Variants in GLS observed in about 807,000 individuals in gnomAD.
The protein encoded by GLS is glutaminase kidney isoform, mitochondrial.
A neutral mutation model predicts 86.7 loss-of-function variants in GLS; 36 were observed. That is an observed-to-expected ratio of 0.42 (90% CI 0.32 to 0.55). GLS has a LOEUF of 0.55. Among genes scored for constraint, GLS ranks in the 20% least tolerant of loss-of-function variants. The pLI, the probability that GLS is intolerant of heterozygous loss-of-function variation, is 0.17. For synonymous variants in GLS, 317 were observed against 305.9 expected, an observed-to-expected ratio of 1.04 and a Z score of -0.38; for missense variants, 528 against 833.4, an observed-to-expected ratio of 0.63 and a Z score of 4.51.
At chr2:190,912,340 C>T (rs565218430) in intron 7 of GLS, among the ~76,000 whole-genome samples, 74 of 127,410 alleles carry the variant, frequency 5.8e-4, no homozygotes, top group African/African-American at 1.9e-3. Context: ...ATGTGTTTCA[C>T]AAGTGCTTTT....
At chr2:190,925,416 C>T (rs551144712) in intron 11 of GLS, among the ~76,000 whole-genome samples, 8 of 151,972 alleles carry the variant, frequency 5.3e-5, no homozygotes, top group Non-Finnish European at 7.4e-5. Context: ...TGGGGTTGAG[C>T]GAGAGGGACC....
In GLS at chr2:190,951,554, AAGT is replaced by A. The variant is rs1300527529; in HGVS notation, c.1651-2007_1651-2005del. Among the ~76,000 whole-genome samples, 2 of 152,176 alleles carry A rather than the reference AAGT, an allele frequency of 1.3e-5. No individual in the cohort carries two copies. Among genetic ancestry groups the A allele is most frequent in the Non-Finnish European group, 2.9e-5 (2 of 68,042 alleles). On this transcript the variant is annotated intron_variant, in intron 14 of 17. Transcript: ENST00000320717. The surrounding 1 kb of genome is among the most constrained non-coding windows in gnomAD (Gnocchi z 4.2). ...ATAAGTGTTTGAAGGAATAGATAAA[AAGT>A]AGTCTCAAAAATGAGGAAGCTTTTT...
Position 190,947,632 on chromosome 2 carries a change from T to C in GLS, c.1651-5933T>C, listed in dbSNP as rs1024489152. ...CTGTTTCTTTATAGTAAGGAATTAT[T>C]TATCAAAACATAGCTTCCATGCCTC... On this transcript the variant is annotated intron_variant, in intron 14 of 17. Transcript: ENST00000320717. This position sits in a 1 kb window ranked among gnomAD's most constrained non-coding sequence, Gnocchi z 5.0. Among the ~76,000 whole-genome samples, 1 of 152,228 alleles carries C rather than the reference T, an allele frequency of 6.6e-6. No individual in the cohort carries two copies. The highest frequency in any genetic ancestry group is 1.5e-5 in the Non-Finnish European group (1 of 68,038).
rs1690821749 is a variant in GLS at position 190,954,939 on chromosome 2, A to G, written c.1853+121A>G. On this transcript the variant is annotated intron_variant, in intron 17 of 17. Transcript: ENST00000320717. This position sits in a 1 kb window ranked among gnomAD's most constrained non-coding sequence, Gnocchi z 4.0. ...CTTGAACCTGCTATGATATCTTATA[A>G]AGGCAATAAACCTTGTTTCTACTAG... 7.4e-6 allele frequency: 5 copies of G among 673,518 alleles called. No homozygotes were observed. 41.7% of individuals were successfully genotyped at this position (673,518 alleles called of 1,614,324 possible).
rs1689104051 is a variant in GLS at position 190,905,493 on chromosome 2, G to A, written c.979+326G>A. Among the ~76,000 whole-genome samples the A allele has an allele frequency of 6.6e-6, 1 of 152,036 alleles. No homozygotes were observed. Among genetic ancestry groups the A allele is most frequent in the Non-Finnish European group, 1.5e-5 (1 of 67,926 alleles). ...GTGCTGGGTATGATTATTACTATATGTTGGTAATTATTGCAGCTAAATGAT... is the reference window on the plus strand; with the variant it reads ...GTGCTGGGTATGATTATTACTATATATTGGTAATTATTGCAGCTAAATGAT... On this transcript the variant is annotated intron_variant, in intron 6 of 17. Transcript: ENST00000320717. The surrounding 1 kb of genome is among the most constrained non-coding windows in gnomAD (Gnocchi z 4.6).
At chr2:190,907,243 G>GTTT (rs57623604) in intron 6 of GLS, among the ~76,000 whole-genome samples, 15 of 135,140 alleles carry the variant, frequency 1.1e-4, no homozygotes, top group East Asian at 2.1e-4. Flanking sequence ...AATAACAGTA[G>GTTT]TTTTTTTTTT....
At position 190,924,043 on chromosome 2, in the gene GLS, T is replaced by C; in HGVS notation, c.1197+60T>C. ...TTTCATTTAATAAAATACATGAAGA[T>C]GTATGCTAAGAATTCAACAATAGCC... On this transcript the variant is annotated intron_variant, in intron 10 of 17. Coordinates refer to ENST00000320717, the MANE Select transcript of GLS (RefSeq NM_014905.5). This position sits in a 1 kb window ranked among gnomAD's most constrained non-coding sequence, Gnocchi z 5.2. 1 of 880,846 alleles carries C rather than the reference T, an allele frequency of 1.1e-6. No individual in the cohort carries two copies. Among genetic ancestry groups the C allele is most frequent in the Non-Finnish European group, 1.8e-6 (1 of 541,024 alleles). 54.6% of individuals were successfully genotyped at this position (880,846 alleles called of 1,614,324 possible).
intron 1 of GLS, among the ~76,000 whole-genome samples, chr2:190,886,884 C>CCTGGGTG (rs1219341307): frequency 9.4e-5 from 14 of 149,474 alleles, no homozygotes; most frequent in Non-Finnish European, 2.1e-4. Context: ...CCGCTGCACT[C>CCTGGGTG]CAGCCTGGGT....
At chr2:190,882,160 C>T (rs113125473) in intron 1 of GLS, 3 of 152,174 alleles carry the variant, frequency 2.0e-5, no homozygotes, top group African/African-American at 7.2e-5. Context: ...CATAAGGGAC[C>T]AGCTTTGGCT....
At chr2:190,891,464 A>C (rs1688557697) in intron 1 of GLS, among the ~76,000 whole-genome samples, 1 of 151,528 alleles carries the variant, frequency 6.6e-6, no homozygotes, top group Non-Finnish European at 1.5e-5. Flanking sequence ...AAGGCATGAT[A>C]GGTTAAAAAA....
At chr2:190,958,192 A>G (rs955888733) in intron 17 of GLS, among the ~76,000 whole-genome samples, 8 of 152,198 alleles carry the variant, frequency 5.3e-5, no homozygotes, top group East Asian at 3.9e-4. Context: ...GAATTTATCA[A>G]TTTCTTCTAG....
At position 190,930,653 on chromosome 2, in the gene GLS, C is replaced by G; in HGVS notation, c.1557+85C>G. 1 of 1,300,948 alleles carries G rather than the reference C, an allele frequency of 7.7e-7. No individual in the cohort carries two copies. The highest frequency in any genetic ancestry group is 1.1e-6 in the Non-Finnish European group (1 of 929,226). 80.6% of individuals were successfully genotyped at this position (1,300,948 alleles called of 1,614,324 possible). ...TTTTTTTAACCCATTTTCCATAGTT[C>G]ATTAACTCTTGGCCCTCCGCCTATA... On this transcript the variant is annotated intron_variant, in intron 13 of 17. Coordinates refer to ENST00000320717, the MANE Select transcript of GLS (RefSeq NM_014905.5). The surrounding 1 kb of genome is among the most constrained non-coding windows in gnomAD (Gnocchi z 5.0).
At chr2:190,891,814 T>G (rs2125979840) in intron 1 of GLS, among the ~76,000 whole-genome samples, 1 of 152,298 alleles carries the variant, frequency 6.6e-6, no homozygotes, top group East Asian at 1.9e-4. Flanking sequence ...AGCCTATAGG[T>G]AGAAACAGGC....
At chr2:190,891,606 A>T (rs1688564561) in intron 1 of GLS, among the ~76,000 whole-genome samples, 1 of 152,182 alleles carries the variant, frequency 6.6e-6, no homozygotes, top group Non-Finnish European at 1.5e-5. Flanking sequence ...ACTGAGGAGT[A>T]TGAATTCCCC....
Position 190,933,313 on chromosome 2 carries a change from A to T in GLS, c.1650+1676A>T, listed in dbSNP as rs765807361. The stretch of plus-strand genomic sequence containing the variant: ...GCAATAGAAGGTACTTCTATGCTAA[A>T]TACAAAACTAAAAAGGCAAAATAAT... On this transcript the variant is annotated intron_variant, in intron 14 of 17. Coordinates refer to ENST00000320717, the MANE Select transcript of GLS (RefSeq NM_014905.5). 9.8e-5 allele frequency: 90 copies of T among 918,400 alleles called. 1 individual carries two copies. The highest frequency in any genetic ancestry group is 1.1e-4 in the Non-Finnish European group (84 of 769,034). 56.9% of individuals were successfully genotyped at this position (918,400 alleles called of 1,614,324 possible). A position where few individuals can be genotyped will look rare whatever the true frequency, so the allele number is the denominator to read the frequency against.
chr2:190,888,383 C>T (rs192881825), intron 1 of GLS, among the ~76,000 whole-genome samples: 1 of 152,286 alleles, frequency 6.6e-6, no homozygotes, highest in Non-Finnish European at 1.5e-5. Context: ...ACATATTTCT[C>T]TGCCATATTA....
chr2:190,960,795 CTT>C, intron 17 of GLS, among the ~76,000 whole-genome samples: 1 of 152,256 alleles, frequency 6.6e-6, no homozygotes, highest in East Asian at 1.9e-4. Context: ...TTTGCTAACA[CTT>C]TGGTTATCTA....
chr2:190,927,673 G>T lies in GLS; in HGVS notation c.1425+191G>T, dbSNP rs115955831. 384 of 480,320 alleles carry T rather than the reference G, an allele frequency of 8.0e-4. 2 individuals carry two copies. The highest frequency in any genetic ancestry group is 7.3e-3 in the African/African-American group (358 of 49,174). The allele number at this position is 480,320 out of a possible 1,614,324, so 29.8% of individuals were successfully genotyped here. The stretch of plus-strand genomic sequence containing the variant: ...GTCTACCAGATGTTCTTAAGAACTT[G>T]GAAGTTTGATTTATAGAACCTCATC... On this transcript the variant is annotated intron_variant, in intron 12 of 17. Coordinates refer to ENST00000320717, the MANE Select transcript of GLS (RefSeq NM_014905.5).
Position 190,921,020 on chromosome 2 carries a change from G to C in GLS, c.1039-4G>C. 2.7e-6 allele frequency: 4 copies of C among 1,498,724 alleles called. No individual in the cohort carries two copies. In the South Asian group the frequency reaches 4.5e-5, roughly 17 times the overall value. The allele number at this position is 1,498,724 out of a possible 1,614,324, so 92.8% of individuals were successfully genotyped here. On this transcript the variant is annotated splice_region_variant and splice_polypyrimidine_tract_variant and intron_variant, in intron 7 of 17. Coordinates refer to ENST00000320717, the MANE Select transcript of GLS (RefSeq NM_014905.5). The surrounding 1 kb of genome is among the most constrained non-coding windows in gnomAD (Gnocchi z 4.2). ...ACGTATTTATGTCTCTTATTTTTTTGCAGCAAGGAGTAAATAATGCTGAAA... is the reference window on the plus strand; with the variant it reads ...ACGTATTTATGTCTCTTATTTTTTTCCAGCAAGGAGTAAATAATGCTGAAA...
Sources: gnomAD v4.1 joint callset for allele counts (sites outside exome capture counted in the v4.1 genomes callset) on GRCh38, gnomAD v4.1.1 for gene constraint, Gnocchi (gnomAD v3.1) non-coding constraint, MANE v1.5 for transcripts, NCBI Gene and HGNC (gene_info 2026-07-23, HGNC 2026-07-21) for gene names.